SLC26A9: variants seen among roughly 807,000 people sequenced by gnomAD.
The protein encoded by SLC26A9 is solute carrier family 26 member 9.
A neutral mutation model predicts 87.1 loss-of-function variants in SLC26A9; 46 were observed. The ratio of observed to expected loss-of-function variants is 0.53; its 90% CI spans 0.42 to 0.67. The LOEUF is 0.67. SLC26A9 is among the 30% of genes least tolerant of loss of function. The pLI, the probability that SLC26A9 is intolerant of heterozygous loss-of-function variation, is 0.00. For synonymous variants in SLC26A9, 437 were observed against 409.1 expected, an observed-to-expected ratio of 1.07 and a Z score of -0.82; for missense variants, 927 against 1,018.3, an observed-to-expected ratio of 0.91 and a Z score of 1.22.
chr1:205,915,060 G>T lies in SLC26A9; in HGVS notation c.*297C>A, dbSNP rs9438399. 0.013 allele frequency: 21,503 copies of T among 1,614,108 alleles called. 2,113 individuals are homozygous for T. In the African/African-American group the frequency reaches 0.23, roughly 17 times the overall value. ...CTTCAGCTGCCAAGGACAGGGCAGA[G>T]GTGGGTGGGGTGGAGTGAGCAGGAG... On this transcript the variant is annotated 3_prime_UTR_variant, in exon 21 of 21. Transcript: ENST00000367135.
Position 205,915,396 on chromosome 1 carries a change from G to A in SLC26A9, c.2337C>T (p.Phe779=), listed in dbSNP as rs145517351. 9.1e-5 allele frequency: 147 copies of A among 1,613,894 alleles called. No homozygotes were observed. Among genetic ancestry groups the A allele is most frequent in the Middle Eastern group, 3.3e-4 (2 of 6,084 alleles). ...GGGTCTCTGCGTGAAACATGCTCCC[G>A]AACATCTCCTGCAGGAACCACAGGA... is the stretch of plus-strand genomic sequence containing the variant. ...RSYWDLEQEM[F]GSMFHAETLT... Residue 779 remains phenylalanine, a synonymous_variant, in exon 21 of 21, where the codon TTC becomes TTT. Coordinates refer to ENST00000367135, the MANE Select transcript of SLC26A9 (RefSeq NM_052934.4).
intron 1 of SLC26A9, among the ~76,000 whole-genome samples, chr1:205,941,837 T>C (rs1659758200): frequency 6.6e-6 from 1 of 152,212 alleles, no homozygotes; most frequent in East Asian, 1.9e-4. Context: ...GTTAAATTCC[T>C]AGAAGTCTTT....
chr1:205,930,471 T>C (rs1230390949), intron 5 of SLC26A9, among the ~76,000 whole-genome samples: 3 of 152,176 alleles, frequency 2.0e-5, no homozygotes. Context: ...CCCATCTCTT[T>C]CTCTACCTGG....
intron 5 of SLC26A9, 96 bp from the exon 6 acceptor site, chr1:205,930,152 G>C: frequency 7.4e-7 from 1 of 1,358,356 alleles, no homozygotes; most frequent in African/African-American, 1.5e-5. Flanking sequence ...GGAGCTCCGT[G>C]CAGTCCTAGC....
At chr1:205,931,304 C>T (rs935224461) in intron 5 of SLC26A9, among the ~76,000 whole-genome samples, 1 of 152,094 alleles carries the variant, frequency 6.6e-6, no homozygotes, top group African/African-American at 2.4e-5. Context: ...TGGAGAGAGG[C>T]TGTGAGTCTT....
intron 13 of SLC26A9, 86 bp from the exon 14 acceptor site, chr1:205,923,699 G>T: frequency 1.4e-6 from 2 of 1,469,718 alleles, no homozygotes; most frequent in Admixed American, 1.7e-5. Context: ...CGGGGGCAGA[G>T]CCAAGGTAGG....
Position 205,929,812 on chromosome 1 carries a change from C to T in SLC26A9, c.717+80G>A, listed in dbSNP as rs73082397. 2.4e-3 allele frequency: 3,494 copies of T among 1,470,906 alleles called. 76 individuals are homozygous for T. In the African/African-American group the frequency reaches 0.043, roughly 18 times the overall value. 91.1% of individuals were successfully genotyped at this position (1,470,906 alleles called of 1,614,324 possible). A position where few individuals can be genotyped will look rare whatever the true frequency, so the allele number is the denominator to read the frequency against. On this transcript the variant is annotated intron_variant, in intron 6 of 20. Transcript: ENST00000367135. ...GCCAGCCCTTGCAATGAGGAGCTCACGACATCTTAAAACAGTACATCCTCC... is the reference window on the plus strand; with the variant it reads ...GCCAGCCCTTGCAATGAGGAGCTCATGACATCTTAAAACAGTACATCCTCC...
chr1:205,918,854 G>A lies in SLC26A9; in HGVS notation c.2242C>T (p.His748Tyr), dbSNP rs146098587. ...AAGAACCTTACCCCTTGGAAGTTGT[G>A]TCCTGGGGTCACGTCTCTAGCATTT... ...QANARDVTPG[H>Y]NFQGAPGDAE... Residue 748 changes from histidine (H) to tyrosine (Y), a missense_variant, in exon 19 of 21, where the codon CAC becomes TAC. Physicochemically the swap from His to Tyr is moderately conservative, Grantham distance 83. Coordinates refer to ENST00000367135, the MANE Select transcript of SLC26A9 (RefSeq NM_052934.4). 15 of 1,613,886 alleles carry A rather than the reference G, an allele frequency of 9.3e-6. No homozygotes were observed. Among genetic ancestry groups the A allele is most frequent in the African/African-American group, 1.3e-5 (1 of 75,040 alleles).
intron 19 of SLC26A9, among the ~76,000 whole-genome samples, chr1:205,918,575 T>C (rs1658691740): frequency 6.6e-6 from 1 of 152,166 alleles, no homozygotes; most frequent in Non-Finnish European, 1.5e-5. Flanking sequence ...ATAAAGAATT[T>C]TTACAATACA....
Position 205,921,561 on chromosome 1 carries a change from C to T in SLC26A9, c.2055+5G>A, listed in dbSNP as rs372955643. ...GGTGGTGCTTGCTGTTCCCGAGGGC[C>T]TCACCTTGGCCAGGGCCTTGATGCC... On this transcript the variant is annotated splice_donor_5th_base_variant and intron_variant, in intron 17 of 20. Coordinates refer to ENST00000367135, the MANE Select transcript of SLC26A9 (RefSeq NM_052934.4). 133 of 1,605,054 alleles carry T rather than the reference C, an allele frequency of 8.3e-5. No homozygotes were observed. In the Middle Eastern group the frequency reaches 2.3e-3, roughly 28 times the overall value.
chr1:205,930,195 TGA>T (rs1659249980), intron 5 of SLC26A9, 139 bp from the exon 6 acceptor site: 7 of 906,042 alleles, frequency 7.7e-6, no homozygotes, highest in Non-Finnish European at 1.1e-5. Context: ...GGACCATCTG[TGA>T]CCTTCACCTG....
At chr1:205,927,102 T>C in intron 11 of SLC26A9, 109 bp downstream of exon 11, 1 of 1,115,470 alleles carries the variant, frequency 9.0e-7, no homozygotes, top group Non-Finnish European at 1.4e-6. Context: ...TGGTTGAGAC[T>C]AAGTGTGACA....
At chr1:205,921,527 G>C in intron 17 of SLC26A9, 39 bp downstream of exon 17, 1 of 1,586,158 alleles carries the variant, frequency 6.3e-7, no homozygotes, top group East Asian at 2.3e-5. Flanking sequence ...GAGCGGAGGG[G>C]GTGGAGTGGG....
rs765932696 is a variant in SLC26A9 at position 205,915,391 on chromosome 1, C to G, written c.2342G>C (p.Ser781Thr). Residue 781 changes from serine (S) to threonine (T), a missense_variant, in exon 21 of 21, where the codon AGC becomes ACC. By Grantham distance (58) the Ser-to-Thr change is moderately conservative. Coordinates refer to ENST00000367135, the MANE Select transcript of SLC26A9 (RefSeq NM_052934.4). ...GGTCAGGGTCTCTGCGTGAAACATG[C>G]TCCCGAACATCTCCTGCAGGAACCA... ...YWDLEQEMFG[S>T]MFHAETLTAL 1 of 1,614,124 alleles carries G rather than the reference C, an allele frequency of 6.2e-7. No individual in the cohort carries two copies. Among genetic ancestry groups the G allele is most frequent in the Non-Finnish European group, 8.5e-7 (1 of 1,180,026 alleles).
rs2000181 is a variant in SLC26A9 at position 205,930,686 on chromosome 1, C to T, written c.553-630G>A. On this transcript the variant is annotated intron_variant, in intron 5 of 20. Transcript: ENST00000367135. ...CTACTTTTCCATCCTCTTCTGGGCC[C>T]TCTACCCTCCAGCCACACCAAGCCC... 8.9e-3 allele frequency among the ~76,000 whole-genome samples: 1,356 copies of T among 152,300 alleles called. 11 individuals are homozygous for T. Among genetic ancestry groups the T allele is most frequent in the East Asian group, 0.03 (155 of 5,178 alleles).
intron 3 of SLC26A9, 30 bp downstream of exon 3, chr1:205,932,915 A>T (rs1296974333): frequency 1.2e-6 from 2 of 1,613,216 alleles, no homozygotes; most frequent in East Asian, 2.2e-5. Flanking sequence ...GGGAGTGGCA[A>T]TCCAGGCCTG....
intron 1 of SLC26A9, among the ~76,000 whole-genome samples, chr1:205,936,469 T>A (rs1022596054): frequency 2.0e-5 from 3 of 152,100 alleles, no homozygotes; most frequent in Non-Finnish European, 2.9e-5. Context: ...GTGCCTAATC[T>A]TTCCCCCACC....
Position 205,917,266 on chromosome 1 carries a change from C to G in SLC26A9, c.2328+17G>C. 6.2e-7 allele frequency: 1 copy of G among 1,613,878 alleles called. No homozygotes were observed. Among genetic ancestry groups the G allele is most frequent in the Non-Finnish European group, 8.5e-7 (1 of 1,179,906 alleles). On this transcript the variant is annotated intron_variant, in intron 20 of 20. Coordinates refer to ENST00000367135, the MANE Select transcript of SLC26A9 (RefSeq NM_052934.4). ...TTCGCCCTGCTCCCACCCTCACAGC[C>G]CCTTCCCTCAGCTCACCTGCTCTAA...
At chr1:205,932,566 C>G in intron 4 of SLC26A9, 136 bp downstream of exon 4, 1 of 656,600 alleles carries the variant, frequency 1.5e-6, no homozygotes, top group Non-Finnish European at 2.4e-6. Context: ...ATGACATTCA[C>G]AGTGACCATT....
Sources: allele counts gnomAD v4.1 joint callset (sites outside exome capture counted in the v4.1 genomes callset), GRCh38; gene constraint gnomAD v4.1.1; transcripts MANE v1.5; gene names NCBI Gene and HGNC (gene_info 2026-07-23, HGNC 2026-07-21).